The following VAPA variants were observed in gnomAD, a reference collection of about 807,000 sequenced individuals.
VAPA encodes vesicle-associated membrane protein-associated protein A.
A neutral mutation model predicts 25.6 loss-of-function variants in VAPA; 6 were observed. The ratio of observed to expected loss-of-function variants is 0.23; its 90% CI spans 0.13 to 0.46. The LOEUF (loss-of-function observed/expected upper bound fraction) is 0.46, where lower values mean the gene tolerates loss of function less well. VAPA is among the 20% of genes least tolerant of loss of function. The pLI is 0.99. For missense variants in VAPA, 244 were observed against 302.1 expected (o/e 0.81, Z 1.43); for synonymous variants, 112 against 106.2 (o/e 1.05, Z -0.34).
chr18:9,918,020 A>G (rs2069126563), intron 1 of VAPA, among the ~76,000 whole-genome samples: 1 of 152,002 alleles, frequency 6.6e-6, no homozygotes, highest in Non-Finnish European at 1.5e-5. Context: ...TTTTTCAGTA[A>G]GACATACCAT....
rs79683821 is a variant in VAPA, at chr18:9,932,365, C to T, written c.232+403C>T. 3.5e-3 allele frequency among the ~76,000 whole-genome samples: 534 copies of T among 152,258 alleles called. 4 individuals are homozygous for T. Among genetic ancestry groups the T allele is most frequent in the Non-Finnish European group, 6.4e-3 (436 of 68,018 alleles). On this transcript the variant is annotated intron_variant, in intron 2 of 5. Coordinates refer to ENST00000400000, the MANE Select transcript of VAPA (RefSeq NM_194434.3). ...TCTTTTGCTTAAAAAGGTGCAATGC[C>T]ACTTTTTTGCCTACTGTGTCAAATC...
intron 1 of VAPA, 135 bp downstream of exon 1, chr18:9,914,470 T>A (rs1431775886): frequency 1.4e-6 from 1 of 691,922 alleles, no homozygotes; most frequent in Non-Finnish European, 2.1e-6. Flanking sequence ...CGCCTTCCCT[T>A]TCCCGGCTGC....
chr18:9,937,597 G>T (rs1043231500), intron 4 of VAPA, among the ~76,000 whole-genome samples: 1 of 152,060 alleles, frequency 6.6e-6, no homozygotes, highest in South Asian at 2.1e-4. Flanking sequence ...GGGGACTGAG[G>T]GATGTATTTG....
intron 2 of VAPA, among the ~76,000 whole-genome samples, chr18:9,934,035 C>T (rs537691282): frequency 1.3e-5 from 2 of 152,310 alleles, no homozygotes; most frequent in East Asian, 1.9e-4. Context: ...CTTATTAAAA[C>T]CTTCAGACAA....
rs529015918 is a variant in VAPA at position 9,925,226 on chromosome 18, T to C, written c.80-6584T>C. 2.6e-5 allele frequency among the ~76,000 whole-genome samples: 4 copies of C among 152,272 alleles called. No homozygotes were observed. The South Asian group carries it at 8.3e-4, about 32-fold the overall frequency. On this transcript the variant is annotated intron_variant, in intron 1 of 5. Transcript: ENST00000400000. ...CATGATACATTCTGAAACTGTTGAT[T>C]GTATAGTATGGATAAACTGATTGTA...
At chr18:9,948,548 T>C (rs2069451604) in intron 4 of VAPA, 1 of 152,172 alleles carries the variant, frequency 6.6e-6, no homozygotes, top group Non-Finnish European at 1.5e-5. Context: ...TTTTTTTCTC[T>C]TTGGTGTTGA....
At chr18:9,914,446 C>A in intron 1 of VAPA, 111 bp downstream of exon 1, 4 of 903,690 alleles carry the variant, frequency 4.4e-6, no homozygotes, top group Non-Finnish European at 6.2e-6. Context: ...AGCGCCCCCT[C>A]CCCCACGCCC....
chr18:9,945,757 A>AT (rs1567900617), intron 4 of VAPA, among the ~76,000 whole-genome samples: 1 of 151,866 alleles, frequency 6.6e-6, no homozygotes, highest in Non-Finnish European at 1.5e-5. Context: ...ATGTTTAATA[A>AT]TTTTTTGTTT....
intron 2 of VAPA, among the ~76,000 whole-genome samples, chr18:9,932,164 G>C (rs2069262010): frequency 6.6e-6 from 1 of 152,190 alleles, no homozygotes; most frequent in South Asian, 2.1e-4. Context: ...AGTGTGGTCA[G>C]TTTATAAGAA....
intron 4 of VAPA, chr18:9,948,466 C>T (rs984957843): frequency 1.2e-4 from 19 of 152,092 alleles, no homozygotes; most frequent in African/African-American, 3.1e-4. Context: ...CCCTTCCCTC[C>T]GTAATTTAAA....
intron 2 of VAPA, among the ~76,000 whole-genome samples, chr18:9,934,205 T>G (rs1450878592): frequency 1.3e-5 from 2 of 152,232 alleles, no homozygotes; most frequent in African/African-American, 4.8e-5. Context: ...CATGCTCATT[T>G]CTCTTTTTCC....
chr18:9,953,074 A>T (rs1475495264), intron 5 of VAPA, among the ~76,000 whole-genome samples: 1 of 152,250 alleles, frequency 6.6e-6, no homozygotes, highest in African/African-American at 2.4e-5. Context: ...GATAAAGACA[A>T]CTGTGTAGTT....
chr18:9,927,881 A>G (rs1047353609), intron 1 of VAPA, among the ~76,000 whole-genome samples: 1 of 152,154 alleles, frequency 6.6e-6, no homozygotes, highest in African/African-American at 2.4e-5. Flanking sequence ...GGGACAGAAT[A>G]CTTAGTGGCA....
chr18:9,959,309 G>A lies in VAPA; in HGVS notation c.*5098G>A, dbSNP rs1210841894. ...ACTATTATTTGTGAAATGTCTTTAA[G>A]ATTTTTGGTCTTAAATTTTTGAAGA... is the stretch of plus-strand genomic sequence containing the variant. On this transcript the variant is annotated 3_prime_UTR_variant, in exon 6 of 6. Transcript: ENST00000400000. 6.6e-6 allele frequency: 1 copy of A among 152,126 alleles called. No individual in the cohort carries two copies. The highest frequency in any genetic ancestry group is 2.4e-5 in the African/African-American group (1 of 41,422). 9.4% of individuals were successfully genotyped at this position (152,126 alleles called of 1,614,324 possible).
At chr18:9,940,459 T>A (rs1030640868) in intron 4 of VAPA, among the ~76,000 whole-genome samples, 27 of 152,212 alleles carry the variant, frequency 1.8e-4, no homozygotes, top group African/African-American at 5.8e-4. Flanking sequence ...CTGTTCATTT[T>A]TTTGACCAAG....
At position 9,914,113 on chromosome 18, in the gene VAPA, T is replaced by C. The variant is rs2069087716; in HGVS notation, c.-144T>C. 1.6e-6 allele frequency: 1 copy of C among 626,354 alleles called. No individual in the cohort carries two copies. The highest frequency in any genetic ancestry group is 2.0e-5 in the African/African-American group (1 of 50,616). 38.8% of individuals were successfully genotyped at this position (626,354 alleles called of 1,614,324 possible). ...CCCAGCGGGTGGCCCACCGAACCGG[T>C]GACACAGCGGCAGGCGTTAGGGCTC... On this transcript the variant is annotated 5_prime_UTR_variant, in exon 1 of 6. Coordinates refer to ENST00000400000, the MANE Select transcript of VAPA (RefSeq NM_194434.3).
rs1354456892 is a variant in VAPA, at chr18:9,960,002, AAAT to A, written c.*5794_*5796del. ...TGAAAACAAATACAAACGAGAATCA[AAAT>A]AAAGTTTTGCAAAGTATTTCTTTGG... is the stretch of plus-strand genomic sequence containing the variant. On this transcript the variant is annotated 3_prime_UTR_variant, in exon 6 of 6. Transcript: ENST00000400000. 5 of 152,084 alleles carry A rather than the reference AAAT, an allele frequency of 3.3e-5. No homozygotes were observed. The highest frequency in any genetic ancestry group is 9.7e-5 in the African/African-American group (4 of 41,386). 9.4% of individuals were successfully genotyped at this position (152,084 alleles called of 1,614,324 possible). A position where few individuals can be genotyped will look rare whatever the true frequency, so the allele number is the denominator to read the frequency against.
At chr18:9,943,841 CTTTTTTTTTTTTTTTTTTTTTTTTT>C (rs71169911) in intron 4 of VAPA, among the ~76,000 whole-genome samples, 2 of 51,716 alleles carry the variant, frequency 3.9e-5, no homozygotes, top group East Asian at 7.0e-4. Flanking sequence ...ACATATTTCC[CTTTTTTTTTTTTTTTTTTTTTTTTT>C]TTTTTTTTTT....
rs565564655 is a variant in VAPA at position 9,953,499 on chromosome 18, T to TA, written c.592-553dup. On this transcript the variant is annotated intron_variant, in intron 5 of 5. Coordinates refer to ENST00000400000, the MANE Select transcript of VAPA (RefSeq NM_194434.3). ...TGTTTCCTTCCCCCAAATTCTGTGA[T>TA]ACCATATCTCTGTTTACGGCAAGAA... Among the ~76,000 whole-genome samples the TA allele has an allele frequency of 5.3e-3, 812 of 152,320 alleles. 4 individuals carry two copies. The highest frequency in any genetic ancestry group is 9.6e-3 in the Non-Finnish European group (650 of 68,024).
Sources: allele counts gnomAD v4.1 joint callset (sites outside exome capture counted in the v4.1 genomes callset), GRCh38; gene constraint gnomAD v4.1.1; transcripts MANE v1.5; gene names NCBI Gene and HGNC (gene_info 2026-07-23, HGNC 2026-07-21).